Variants in MRTFA observed in about 807,000 individuals in gnomAD.
MRTFA encodes the protein myocardin-related transcription factor A.
A neutral mutation model predicts 83.5 loss-of-function variants in MRTFA; 20 were observed. The observed-to-expected ratio is 0.24, with a 90% CI of 0.17 to 0.35. The LOEUF (loss-of-function observed/expected upper bound fraction) is 0.35, where lower values mean the gene tolerates loss of function less well. Among genes scored for constraint, MRTFA ranks in the 10% least tolerant of loss-of-function variants. The pLI, the probability that MRTFA is intolerant of heterozygous loss-of-function variation, is 1.00. For synonymous variants in MRTFA, 659 were observed against 541.2 expected (o/e 1.22, Z -3.02); for missense variants, 1,200 against 1,224.7 (o/e 0.98, Z 0.30).
At chr22:40,473,696 G>C (rs2053950247) in intron 3 of MRTFA, among the ~76,000 whole-genome samples, 1 of 152,202 alleles carries the variant, frequency 6.6e-6, no homozygotes, top group Admixed American at 6.5e-5. Flanking sequence ...CAGGTTGGGT[G>C]CTAGCCTTAA....
At chr22:40,423,827 A>G in intron 8 of MRTFA, 142 bp from the exon 9 acceptor site, 1 of 730,100 alleles carries the variant, frequency 1.4e-6, no homozygotes, top group Non-Finnish European at 2.1e-6. Flanking sequence ...GAGAAGAGCA[A>G]CCCCCAGGGT....
chr22:40,577,069 A>T (rs1602452701), intron 2 of MRTFA, among the ~76,000 whole-genome samples: 2 of 151,996 alleles, frequency 1.3e-5, no homozygotes, highest in Non-Finnish European at 2.9e-5. Context: ...CAAAAAATTT[A>T]AAAATTAGCC....
intron 3 of MRTFA, among the ~76,000 whole-genome samples, chr22:40,484,210 T>C (rs1385835676): frequency 6.6e-6 from 1 of 152,008 alleles, no homozygotes; most frequent in Non-Finnish European, 1.5e-5. Flanking sequence ...CTAAATGATG[T>C]AAAATTTTAG....
intron 2 of MRTFA, among the ~76,000 whole-genome samples, chr22:40,581,552 T>C (rs6001973): frequency 0.1 from 15,309 of 152,186 alleles, 930 homozygotes; most frequent in East Asian, 0.25. Context: ...TAGTATCCCA[T>C]TGTTTGAGAA....
At position 40,569,631 on chromosome 22, in the gene MRTFA, C is replaced by T. The variant is rs12157874; in HGVS notation, c.-21-17264G>A. Among the ~76,000 whole-genome samples the T allele has an allele frequency of 7.5e-3, 1,140 of 151,792 alleles. 27 individuals are homozygous for T. Among genetic ancestry groups the T allele is most frequent in the Middle Eastern group, 0.075 (22 of 294 alleles). On this transcript the variant is annotated intron_variant, in intron 2 of 14. Coordinates refer to ENST00000355630, the MANE Select transcript of MRTFA (RefSeq NM_020831.6). Reference sequence around the variant, plus strand: ...CTCAGCTACTCAGGAGGCTGAAGCACTTGAAACTGAGAGATGGAGTTTGCC... The same window carrying T: ...CTCAGCTACTCAGGAGGCTGAAGCATTTGAAACTGAGAGATGGAGTTTGCC...
intron 3 of MRTFA, among the ~76,000 whole-genome samples, chr22:40,498,215 G>A (rs1210025170): frequency 7.4e-6 from 1 of 135,056 alleles, no homozygotes; most frequent in Non-Finnish European, 1.5e-5. Context: ...CAAAATGTCA[G>A]CATGCTTCTA....
chr22:40,564,677 G>A (rs1392606059), intron 2 of MRTFA, among the ~76,000 whole-genome samples: 1 of 151,982 alleles, frequency 6.6e-6, no homozygotes, highest in Non-Finnish European at 1.5e-5. Flanking sequence ...TTTGGAGACG[G>A]AGCCTTGCAC....
chr22:40,468,844 G>T (rs73167062), intron 3 of MRTFA, among the ~76,000 whole-genome samples: 1 of 152,162 alleles, frequency 6.6e-6, no homozygotes, highest in East Asian at 1.9e-4. Context: ...CATACTTCAG[G>T]GGGGAAACTG....
chr22:40,531,186 C>A (rs1443926367), intron 3 of MRTFA, among the ~76,000 whole-genome samples: 9 of 151,584 alleles, frequency 5.9e-5, no homozygotes, highest in Non-Finnish European at 1.3e-4. Flanking sequence ...GCAGCCTCGA[C>A]CTCCTGGGCT....
chr22:40,546,363 A>G (rs570175740), intron 3 of MRTFA, among the ~76,000 whole-genome samples: 1 of 152,362 alleles, frequency 6.6e-6, no homozygotes, highest in South Asian at 2.1e-4. Context: ...AAAAGCTCTG[A>G]ATGGCAAAGG....
rs1300305202 is a variant in MRTFA at position 40,636,701 on chromosome 22, C to G, written c.-307G>C. ...CACTGCCGCCGCCGGCTCCTCTCAG[C>G]CACGGAAGCTGCGGGCCCGCCCACC... On this transcript the variant is annotated 5_prime_UTR_variant, in exon 1 of 15. Transcript: ENST00000355630. 1 of 152,438 alleles carries G rather than the reference C, an allele frequency of 6.6e-6. No individual in the cohort carries two copies. The highest frequency in any genetic ancestry group is 2.4e-5 in the African/African-American group (1 of 41,470). 9.4% of individuals were successfully genotyped at this position (152,438 alleles called of 1,614,324 possible). A position where few individuals can be genotyped will look rare whatever the true frequency, so the allele number is the denominator to read the frequency against.
At chr22:40,617,726 CA>C (rs36082563) in intron 1 of MRTFA, among the ~76,000 whole-genome samples, 40 of 121,794 alleles carry the variant, frequency 3.3e-4, no homozygotes, top group Admixed American at 7.2e-4. Context: ...GACTCTGTCT[CA>C]AAAAAAAAAA....
intron 3 of MRTFA, among the ~76,000 whole-genome samples, chr22:40,498,273 ATTTTTTTTTTTTTTTT>A (rs1189933906): frequency 2.4e-5 from 1 of 40,982 alleles, no homozygotes; most frequent in Non-Finnish European, 4.2e-5. Context: ...ATATATATAT[ATTTTTTTTTTTTTTTT>A]TTTTTTTTTT....
chr22:40,470,278 T>TATATATAA (rs2053885747), intron 3 of MRTFA, among the ~76,000 whole-genome samples: 1 of 104,184 alleles, frequency 9.6e-6, no homozygotes, highest in Non-Finnish European at 2.0e-5. Flanking sequence ...TATATATATA[T>TATATATAA]ATAAAGAAAC....
intron 3 of MRTFA, among the ~76,000 whole-genome samples, chr22:40,518,168 A>C (rs2054792600): frequency 6.6e-6 from 1 of 152,138 alleles, no homozygotes; most frequent in Non-Finnish European, 1.5e-5. Context: ...AAGTTCTGTG[A>C]GTCGTTCTAG....
At chr22:40,498,065 G>A (rs2054386302) in intron 3 of MRTFA, among the ~76,000 whole-genome samples, 1 of 151,778 alleles carries the variant, frequency 6.6e-6, no homozygotes, top group African/African-American at 2.4e-5. Context: ...GCTTGAGCCT[G>A]AGAGGTGGAG....
At position 40,545,685 on chromosome 22, in the gene MRTFA, GGCCTCCCAAAGT is replaced by G. The variant is rs1215289991; in HGVS notation, c.241+6409_241+6420del. Among the ~76,000 whole-genome samples the G allele has an allele frequency of 2.7e-5, 4 of 150,298 alleles. 1 individual carries two copies. In the East Asian group the frequency reaches 7.8e-4, roughly 29 times the overall value. ...TGACCTCAGGCGATCCACCCACCTC[GGCCTCCCAAAGT>G]GCTGGGATTACAGGCGTGAGCCACC... On this transcript the variant is annotated intron_variant, in intron 3 of 14. Transcript: ENST00000355630.
chr22:40,495,877 C>T (rs4342029), intron 3 of MRTFA, among the ~76,000 whole-genome samples: 198 of 151,114 alleles, frequency 1.3e-3, no homozygotes, highest in African/African-American at 3.5e-3. Flanking sequence ...ACCAGCCTGA[C>T]CAACATGGTG....
intron 2 of MRTFA, among the ~76,000 whole-genome samples, chr22:40,555,147 T>C (rs1274665307): frequency 1.3e-5 from 2 of 152,310 alleles, no homozygotes; most frequent in Admixed American, 6.5e-5. Flanking sequence ...CTTTGGACCT[T>C]TGAATTAATG....
Sources: allele counts gnomAD v4.1 joint callset (sites outside exome capture counted in the v4.1 genomes callset), GRCh38; gene constraint gnomAD v4.1.1; transcripts MANE v1.5; gene names NCBI Gene and HGNC (gene_info 2026-07-23, HGNC 2026-07-21).